DNAJC5B: variants seen among roughly 807,000 people sequenced by gnomAD.
DNAJC5B encodes dnaJ homolog subfamily C member 5B.
In DNAJC5B, 23 loss-of-function variants were observed where a neutral mutation model predicts 24.7. That is an observed-to-expected ratio of 0.93 (90% confidence interval 0.67 to 1.32). The LOEUF (loss-of-function observed/expected upper bound fraction) is 1.32. Among genes scored for constraint, DNAJC5B ranks in the 40% most tolerant of loss-of-function variants. The pLI, the probability that DNAJC5B is intolerant of heterozygous loss-of-function variation, is 0.00. For missense variants in DNAJC5B, 238 were observed against 240.8 expected, an observed-to-expected ratio of 0.99 and a Z score of 0.08; for synonymous variants, 101 against 90.1, an observed-to-expected ratio of 1.12 and a Z score of -0.68.
intron 3 of DNAJC5B, among the ~76,000 whole-genome samples, chr8:66,065,454 G>T (rs1344904982): frequency 6.6e-6 from 1 of 152,212 alleles, no homozygotes; most frequent in Non-Finnish European, 1.5e-5. Context: ...ATCACAATCT[G>T]CAATTTGAAA....
chr8:66,081,781 T>C (rs1461805222), intron 5 of DNAJC5B, among the ~76,000 whole-genome samples: 1 of 152,104 alleles, frequency 6.6e-6, no homozygotes, highest in African/African-American at 2.4e-5. Context: ...TGTGGGGACC[T>C]GTAGGTGGCC....
At chr8:66,022,851 A>G (rs562932411) in intron 1 of DNAJC5B, among the ~76,000 whole-genome samples, 2 of 152,348 alleles carry the variant, frequency 1.3e-5, no homozygotes, top group Non-Finnish European at 2.9e-5. Context: ...TGATCTAATC[A>G]TAACCACTTA....
chr8:66,039,195 TG>T (rs1806553050), intron 1 of DNAJC5B, among the ~76,000 whole-genome samples: 1 of 152,150 alleles, frequency 6.6e-6, no homozygotes, highest in Admixed American at 6.5e-5. Flanking sequence ...AGCTCCGTAA[TG>T]GGTGACAGCT....
At position 66,046,480 on chromosome 8, in the gene DNAJC5B, GAAATTGT is replaced by G. The variant is rs1161875505; in HGVS notation, c.-18+2880_-18+2886del. ...GGATTAGATGAGATACTAGTTGGGG[GAAATTGT>G]AAATTGTAAAGTATCTTAGAAATGT... is the stretch of plus-strand genomic sequence containing the variant. On this transcript the variant is annotated intron_variant, in intron 2 of 5. Transcript: ENST00000276570. 2.6e-5 allele frequency among the ~76,000 whole-genome samples: 4 copies of G among 152,326 alleles called. No individual in the cohort carries two copies. In the East Asian group the frequency reaches 7.7e-4, roughly 29 times the overall value.
Position 66,100,122 on chromosome 8 carries a change from G to A in DNAJC5B, c.*91G>A, listed in dbSNP as rs1808044380. The A allele has an allele frequency of 1.9e-6, 2 of 1,066,970 alleles. No homozygotes were observed. The highest frequency in any genetic ancestry group is 1.3e-6 in the Non-Finnish European group (1 of 754,694). 66.1% of individuals were successfully genotyped at this position (1,066,970 alleles called of 1,614,324 possible). On this transcript the variant is annotated 3_prime_UTR_variant, in exon 6 of 6. Coordinates refer to ENST00000276570, the MANE Select transcript of DNAJC5B (RefSeq NM_033105.6). Reference sequence around the variant, plus strand: ...GGGAGCGTGTGGGGCATAAAGTGCTGTGAACTTTTCCATCTTGTTGTTTTA... The same window carrying A: ...GGGAGCGTGTGGGGCATAAAGTGCTATGAACTTTTCCATCTTGTTGTTTTA...
chr8:66,027,695 G>C (rs566952813), intron 1 of DNAJC5B, among the ~76,000 whole-genome samples: 11 of 152,258 alleles, frequency 7.2e-5, no homozygotes, highest in Non-Finnish European at 8.8e-5. Context: ...TTATTATTAC[G>C]AGAGGGAAAG....
chr8:66,022,122 T>C (rs544197428), intron 1 of DNAJC5B, among the ~76,000 whole-genome samples: 3 of 152,254 alleles, frequency 2.0e-5, no homozygotes, highest in South Asian at 2.1e-4. Flanking sequence ...GATACCCCTA[T>C]AAAGAGTAAA....
intron 1 of DNAJC5B, among the ~76,000 whole-genome samples, chr8:66,038,041 G>A (rs974520489): frequency 2.0e-5 from 3 of 152,232 alleles, no homozygotes; most frequent in South Asian, 2.1e-4. Context: ...CTGGCCACGA[G>A]GGGGTTCCCT....
At chr8:66,035,489 C>A (rs962544476) in intron 1 of DNAJC5B, among the ~76,000 whole-genome samples, 4 of 152,274 alleles carry the variant, frequency 2.6e-5, no homozygotes, top group Non-Finnish European at 5.9e-5. Context: ...GAGAGATACA[C>A]ACAGAGTGGG....
intron 1 of DNAJC5B, among the ~76,000 whole-genome samples, chr8:66,026,812 T>C (rs576677319): frequency 2.0e-5 from 3 of 152,166 alleles, no homozygotes; most frequent in East Asian, 3.9e-4. Flanking sequence ...GCATGGGGAG[T>C]CAAGTCCTTG....
chr8:66,090,572 G>A (rs758255156), intron 5 of DNAJC5B, among the ~76,000 whole-genome samples: 56 of 151,776 alleles, frequency 3.7e-4, no homozygotes, highest in Non-Finnish European at 5.6e-4. Flanking sequence ...TGTGAGATTC[G>A]GTGCATAGAA....
At chr8:66,031,581 C>T (rs1293429790) in intron 1 of DNAJC5B, among the ~76,000 whole-genome samples, 2 of 152,032 alleles carry the variant, frequency 1.3e-5, no homozygotes, top group African/African-American at 2.4e-5. Context: ...GGAGTTGGCC[C>T]ATGTGGGTAT....
intron 4 of DNAJC5B, among the ~76,000 whole-genome samples, chr8:66,077,689 A>T (rs906378600): frequency 6.6e-6 from 1 of 152,232 alleles, no homozygotes; most frequent in African/African-American, 2.4e-5. Flanking sequence ...ATATCTAAAA[A>T]GGCAGGTTTA....
At chr8:66,044,118 A>G (rs985023026) in intron 2 of DNAJC5B, among the ~76,000 whole-genome samples, 2 of 152,174 alleles carry the variant, frequency 1.3e-5, no homozygotes, top group South Asian at 4.1e-4. Flanking sequence ...CCCGGCCAAG[A>G]GCATTGTTTT....
intron 1 of DNAJC5B, among the ~76,000 whole-genome samples, chr8:66,035,141 G>A (rs1370165476): frequency 1.3e-5 from 2 of 152,148 alleles, no homozygotes; most frequent in Non-Finnish European, 1.5e-5. Context: ...AATAGGCCTC[G>A]AAGGGAAATC....
intron 3 of DNAJC5B, among the ~76,000 whole-genome samples, chr8:66,052,886 G>A (rs1055309844): frequency 6.6e-6 from 1 of 152,068 alleles, no homozygotes; most frequent in Non-Finnish European, 1.5e-5. Flanking sequence ...CTTTCAGAGA[G>A]AGAAAATCTT....
chr8:66,073,072 A>G (rs1462790394), intron 3 of DNAJC5B, among the ~76,000 whole-genome samples: 1 of 152,172 alleles, frequency 6.6e-6, no homozygotes, highest in Non-Finnish European at 1.5e-5. Context: ...TGATATAAGG[A>G]TTCGAAGGGA....
intron 3 of DNAJC5B, among the ~76,000 whole-genome samples, chr8:66,069,816 TACTGGCAAACCGAATCCAGCAGC>T (rs1423013423): frequency 6.6e-6 from 1 of 152,184 alleles, no homozygotes; most frequent in Non-Finnish European, 1.5e-5. Flanking sequence ...CTCAATAAAA[TACTGGCAAACCGAATCCAGCAGC>T]ACATCAAAAG....
Position 66,051,513 on chromosome 8 carries a change from C to A in DNAJC5B, c.-17-18C>A, listed in dbSNP as rs142451890. ...GAAGTAGTGTGCATAACCTTCATGGCTATTTTCTCCCCTTTAGTTTTGCAG... is the reference window on the plus strand; with the variant it reads ...GAAGTAGTGTGCATAACCTTCATGGATATTTTCTCCCCTTTAGTTTTGCAG... On this transcript the variant is annotated intron_variant, in intron 2 of 5. Coordinates refer to ENST00000276570, the MANE Select transcript of DNAJC5B (RefSeq NM_033105.6). 876 of 1,478,714 alleles carry A rather than the reference C, an allele frequency of 5.9e-4. 9 individuals are homozygous for A. The African/African-American group carries it at 0.011, about 19-fold the overall frequency. 91.6% of individuals were successfully genotyped at this position (1,478,714 alleles called of 1,614,324 possible).
Sources: allele counts gnomAD v4.1 joint callset (sites outside exome capture counted in the v4.1 genomes callset), GRCh38; gene constraint gnomAD v4.1.1; transcripts MANE v1.5; gene names NCBI Gene and HGNC (gene_info 2026-07-23, HGNC 2026-07-21).